The following CIT variants were observed in gnomAD, a reference collection of about 807,000 sequenced individuals.
The protein encoded by CIT is citron Rho-interacting kinase.
Under a neutral mutation model 272.7 loss-of-function variants are expected in CIT, and 79 were observed. That is an observed-to-expected ratio of 0.29 (90% CI 0.24 to 0.35). CIT has a LOEUF of 0.35. CIT is among the 10% of genes least tolerant of loss of function. The pLI, the probability that CIT is intolerant of heterozygous loss-of-function variation, is 1.00. For synonymous variants in CIT, 948 were observed against 995.6 expected (o/e 0.95, Z 0.90); for missense variants, 1,909 against 2,618.3 (o/e 0.73, Z 5.91).
intron 3 of CIT, among the ~76,000 whole-genome samples, chr12:119,865,946 G>A (rs1950502351): frequency 6.6e-6 from 1 of 151,080 alleles, no homozygotes; most frequent in African/African-American, 2.4e-5. Context: ...GTAAAATACT[G>A]AAGAGCACTA....
At chr12:119,820,109 G>C (rs61044401) in intron 9 of CIT, among the ~76,000 whole-genome samples, 1 of 152,144 alleles carries the variant, frequency 6.6e-6, no homozygotes, top group African/African-American at 2.4e-5. Flanking sequence ...ATGGTACCAC[G>C]GATTGATTCC....
At position 119,784,272 on chromosome 12, in the gene CIT, G is replaced by A. The variant is rs1964562198; in HGVS notation, c.1402-221C>T. On this transcript the variant is annotated intron_variant, in intron 11 of 47. Transcript: ENST00000392521. This position sits in a 1 kb window ranked among gnomAD's most constrained non-coding sequence, Gnocchi z 4.7. ...AGTCACTCCTCTCATTCAAGTCCCGGTTCACACTTGATCACTTCTCTAACC... is the reference window on the plus strand; with the variant it reads ...AGTCACTCCTCTCATTCAAGTCCCGATTCACACTTGATCACTTCTCTAACC... 8.9e-6 allele frequency: 14 copies of A among 1,567,124 alleles called. No homozygotes were observed. Among genetic ancestry groups the A allele is most frequent in the Middle Eastern group, 1.8e-4 (1 of 5,518 alleles).
intron 13 of CIT, among the ~76,000 whole-genome samples, chr12:119,779,012 G>A (rs554982779): frequency 4.3e-4 from 66 of 152,224 alleles, no homozygotes; most frequent in African/African-American, 1.5e-3. Context: ...TTGAGGTTAG[G>A]AGTTCAAGAC....
intron 10 of CIT, among the ~76,000 whole-genome samples, chr12:119,798,091 G>A (rs554907551): frequency 2.0e-5 from 3 of 152,038 alleles, no homozygotes; most frequent in African/African-American, 7.2e-5. Flanking sequence ...GTATGTGTGC[G>A]GGCACACACA....
At chr12:119,866,938 T>C (rs1457700759) in intron 3 of CIT, among the ~76,000 whole-genome samples, 3 of 152,240 alleles carry the variant, frequency 2.0e-5, no homozygotes, top group Non-Finnish European at 4.4e-5. Flanking sequence ...TCACAGGCTG[T>C]AGTTCCTTGA....
At chr12:119,791,673 G>A (rs1000093941) in intron 10 of CIT, among the ~76,000 whole-genome samples, 10 of 152,200 alleles carry the variant, frequency 6.6e-5, no homozygotes, top group Non-Finnish European at 8.8e-5. Flanking sequence ...GCAGCCACCC[G>A]CCCACACACA....
At chr12:119,741,450 T>C (rs1959054514) in intron 24 of CIT, among the ~76,000 whole-genome samples, 1 of 152,266 alleles carries the variant, frequency 6.6e-6, no homozygotes, top group African/African-American at 2.4e-5. Flanking sequence ...AAAAATTTTA[T>C]TGAGCTGTAT....
At chr12:119,876,279 G>T in intron 1 of CIT, 98 bp from the exon 2 acceptor site, 1 of 682,980 alleles carries the variant, frequency 1.5e-6, no homozygotes, top group Non-Finnish European at 2.5e-6. Flanking sequence ...ACAAGGAGGT[G>T]AAAATCAGCT....
intron 5 of CIT, among the ~76,000 whole-genome samples, chr12:119,849,689 CTTT>C (rs869266632): frequency 1.2e-5 from 1 of 81,172 alleles, no homozygotes; most frequent in African/African-American, 3.0e-5. Flanking sequence ...CTTTTTTTTT[CTTT>C]TTTTTTTTTT....
chr12:119,727,578 A>C (rs1000480862), intron 28 of CIT, among the ~76,000 whole-genome samples: 8 of 152,222 alleles, frequency 5.3e-5, no homozygotes, highest in African/African-American at 1.9e-4. Context: ...TCACCAAAAA[A>C]ACACTTGTAC....
rs1177050023 is a variant in CIT at position 119,782,436 on chromosome 12, TTCTC to T, written c.1665+78_1665+81del. 2.0e-6 allele frequency: 3 copies of T among 1,516,218 alleles called. No individual in the cohort carries two copies. The Admixed American group carries it at 5.4e-5, about 27-fold the overall frequency. The allele number at this position is 1,516,218 out of a possible 1,614,324, so 93.9% of individuals were successfully genotyped here. A position where few individuals can be genotyped will look rare whatever the true frequency, so the allele number is the denominator to read the frequency against. On this transcript the variant is annotated intron_variant, in intron 13 of 47. Coordinates refer to ENST00000392521, the MANE Select transcript of CIT (RefSeq NM_001206999.2). ...TTTCTCTCTCTCCCTTTCTTCCTATTTCTCTCTCAAACACGCCTCTCCTGAAATT... is the reference window on the plus strand; with the variant it reads ...TTTCTCTCTCTCCCTTTCTTCCTATTTCTCAAACACGCCTCTCCTGAAATT...
chr12:119,705,769 CTCAAAAA>C (rs1956839509), intron 40 of CIT, among the ~76,000 whole-genome samples: 1 of 31,088 alleles, frequency 3.2e-5, no homozygotes, highest in East Asian at 1.2e-3. Flanking sequence ...GAGACTCTGT[CTCAAAAA>C]AAAAAAAAAA....
At chr12:119,859,580 G>A (rs780481137) in intron 3 of CIT, among the ~76,000 whole-genome samples, 1 of 152,074 alleles carries the variant, frequency 6.6e-6, no homozygotes, top group African/African-American at 2.4e-5. Context: ...ATTTTGGGAG[G>A]GCGAGGCGGG....
chr12:119,869,144 A>G lies in CIT; in HGVS notation c.154T>C (p.Leu52=). 26 of 1,613,400 alleles carry G rather than the reference A, an allele frequency of 1.6e-5. No homozygotes were observed. Among genetic ancestry groups the G allele is most frequent in the Non-Finnish European group, 2.2e-5 (26 of 1,179,816 alleles). The change falls in exon 3 of 48, where the codon TTA becomes CTA. Residue 52 remains leucine (L), a synonymous_variant. Coordinates refer to ENST00000392521, the MANE Select transcript of CIT (RefSeq NM_001206999.2). ...QMSPLSREGI[L]DALFVLFEEC... ...TCAAAGAGAACAAAGAGGGCATCTA[A>G]TATCCCTTCTCGGGAAAGAGGAGAC...
At chr12:119,751,780 G>T (rs1960296942) in intron 23 of CIT, among the ~76,000 whole-genome samples, 1 of 152,096 alleles carries the variant, frequency 6.6e-6, no homozygotes. Context: ...AAAATATAAT[G>T]ATGATTTTTT....
At chr12:119,860,611 G>A (rs1318968924) in intron 3 of CIT, among the ~76,000 whole-genome samples, 1 of 152,116 alleles carries the variant, frequency 6.6e-6, no homozygotes, top group East Asian at 1.9e-4. Context: ...GCTTAAAGCA[G>A]TGTCCAACTT....
At chr12:119,702,558 G>A (rs892626628) in intron 41 of CIT, among the ~76,000 whole-genome samples, 2 of 152,046 alleles carry the variant, frequency 1.3e-5, no homozygotes, top group African/African-American at 4.8e-5. Context: ...GTGGTGGTGT[G>A]CACCTGTGAT....
Position 119,862,396 on chromosome 12 carries a change from G to A in CIT, c.239-4698C>T, listed in dbSNP as rs566458221. Among the ~76,000 whole-genome samples the A allele has an allele frequency of 3.9e-5, 6 of 152,244 alleles. No homozygotes were observed. The South Asian group carries it at 1.2e-3, about 32-fold the overall frequency. On this transcript the variant is annotated intron_variant, in intron 3 of 47. Coordinates refer to ENST00000392521, the MANE Select transcript of CIT (RefSeq NM_001206999.2). ...ATACAGCAATCTGTTGGCAGTGATT[G>A]TCTCAGGTAAGATTTTGAGGGATTT...
chr12:119,766,242 GAA>G (rs35120695), intron 19 of CIT, among the ~76,000 whole-genome samples: 5 of 151,068 alleles, frequency 3.3e-5, no homozygotes, highest in East Asian at 2.0e-4. Flanking sequence ...AAGTTGAAGG[GAA>G]AAAAAAAAGA....
Sources: gnomAD v4.1 joint callset for allele counts (sites outside exome capture counted in the v4.1 genomes callset) on GRCh38, gnomAD v4.1.1 for gene constraint, Gnocchi (gnomAD v3.1) non-coding constraint, MANE v1.5 for transcripts, NCBI Gene and HGNC (gene_info 2026-07-23, HGNC 2026-07-21) for gene names.